Variants in DIP2B observed in about 807,000 individuals in gnomAD.
DIP2B encodes the protein DIP2 acetate--CoA ligase B (putative).
DIP2B carries 76 observed loss-of-function variants against 198.0 expected under a neutral mutation model. The ratio of observed to expected loss-of-function variants is 0.38; its 90% CI spans 0.32 to 0.46. The LOEUF is 0.46. Ranked by LOEUF, DIP2B falls within the 20% of genes least tolerant of loss-of-function variation. The probability of loss-of-function intolerance (pLI) is 0.99; values close to 1 mark genes in which losing one functional copy is unlikely to be tolerated. For missense variants in DIP2B, 1,559 were observed against 1,978.4 expected (o/e 0.79, Z 4.02); for synonymous variants, 701 against 739.1 (o/e 0.95, Z 0.84).
At chr12:50,732,287 G>A (rs1565885378) in intron 31 of DIP2B, 79 bp from the exon 32 acceptor site, 1 of 1,500,450 alleles carries the variant, frequency 6.7e-7, no homozygotes, top group East Asian at 2.3e-5. Flanking sequence ...TCCTGACCAA[G>A]GAGCTAGAAC....
intron 1 of DIP2B, among the ~76,000 whole-genome samples, chr12:50,513,271 G>A (rs907132773): frequency 6.6e-6 from 1 of 152,142 alleles, no homozygotes; most frequent in African/African-American, 2.4e-5. Context: ...TCCATCATCA[G>A]TTGTTCCTGT....
intron 1 of DIP2B, among the ~76,000 whole-genome samples, chr12:50,558,403 A>G (rs1347225601): frequency 6.6e-6 from 1 of 152,220 alleles, no homozygotes; most frequent in Non-Finnish European, 1.5e-5. Context: ...GCCAGGGGTA[A>G]TAATTGAGAA....
At position 50,711,728 on chromosome 12, in the gene DIP2B, A is replaced by G. The variant is rs1204254489; in HGVS notation, c.2650-2667A>G. Among the ~76,000 whole-genome samples, 10 of 152,060 alleles carry G rather than the reference A, an allele frequency of 6.6e-5. No homozygotes were observed. In the South Asian group the frequency reaches 1.9e-3, roughly 28 times the overall value. On this transcript the variant is annotated intron_variant, in intron 22 of 37. Coordinates refer to ENST00000301180, the MANE Select transcript of DIP2B (RefSeq NM_173602.3). ...GGGCACTCGCCACCACACCCAGCTA[A>G]TTTTTGTATTTTTACTAGACGGGGT...
At position 50,727,768 on chromosome 12, in the gene DIP2B, C is replaced by T; in HGVS notation, c.3466C>T (p.Leu1156Phe). 6.2e-7 allele frequency: 1 copy of T among 1,614,164 alleles called. No individual in the cohort carries two copies. ...GCCCACTCCTGAGATGTTGGCATAT[C>T]TTGATTTTAGTGTCTCCACAACTGG... is the stretch of plus-strand genomic sequence containing the variant. ...KPPTPEMLAY[L>F]DFSVSTTGML... Residue 1156 changes from leucine (L) to phenylalanine (F), a missense_variant, in exon 29 of 38, where the codon CTT becomes TTT. Coordinates refer to ENST00000301180, the MANE Select transcript of DIP2B (RefSeq NM_173602.3).
chr12:50,518,431 C>T (rs1958085643), intron 1 of DIP2B, among the ~76,000 whole-genome samples: 1 of 152,138 alleles, frequency 6.6e-6, no homozygotes, highest in Non-Finnish European at 1.5e-5. Flanking sequence ...ACCATGTTGG[C>T]CAGGCTGACC....
At chr12:50,507,585 A>G (rs890352627) in intron 1 of DIP2B, among the ~76,000 whole-genome samples, 1 of 152,048 alleles carries the variant, frequency 6.6e-6, no homozygotes, top group African/African-American at 2.4e-5. Context: ...GGAGTCTCAC[A>G]CTGTTGCCCG....
intron 1 of DIP2B, among the ~76,000 whole-genome samples, chr12:50,517,074 G>A (rs551087169): frequency 1.6e-4 from 24 of 151,894 alleles, no homozygotes; most frequent in African/African-American, 4.6e-4. Context: ...CCGCCACCAC[G>A]CCCGGCTAAT....
intron 1 of DIP2B, among the ~76,000 whole-genome samples, chr12:50,532,107 G>C (rs1186279054): frequency 6.6e-6 from 1 of 152,208 alleles, no homozygotes; most frequent in Non-Finnish European, 1.5e-5. Flanking sequence ...CTTTTCTGCT[G>C]AAACAGAAGG....
chr12:50,570,760 A>G (rs758295232), intron 1 of DIP2B, among the ~76,000 whole-genome samples: 62 of 152,384 alleles, frequency 4.1e-4, no homozygotes, highest in Non-Finnish European at 5.4e-4. Flanking sequence ...GGCATTAAAT[A>G]TATGGATATA....
chr12:50,549,170 T>TAAA lies in DIP2B; in HGVS notation c.100+43943_100+43945dup, dbSNP rs780278216. 8.0e-5 allele frequency among the ~76,000 whole-genome samples: 11 copies of TAAA among 137,514 alleles called. 1 individual carries two copies. The East Asian group carries it at 1.3e-3, about 16-fold the overall frequency. 90.2% of individuals were successfully genotyped at this position (137,514 alleles called of 152,430 possible). On this transcript the variant is annotated intron_variant, in intron 1 of 37. Transcript: ENST00000301180. ...TCAGGGACGAAAGTGGGGGCTGGTT[T>TAAA]AAAAAAAAAAAAAAAGGGCTGGGCG... is the stretch of plus-strand genomic sequence containing the variant.
chr12:50,614,567 C>T (rs1937659662), intron 1 of DIP2B, among the ~76,000 whole-genome samples: 1 of 152,172 alleles, frequency 6.6e-6, no homozygotes, highest in South Asian at 2.1e-4. Context: ...AGACAAATGG[C>T]ATTCATCCAA....
At chr12:50,569,720 C>T (rs558606581) in intron 1 of DIP2B, among the ~76,000 whole-genome samples, 25 of 152,192 alleles carry the variant, frequency 1.6e-4, no homozygotes, top group African/African-American at 5.8e-4. Flanking sequence ...TATACTGCAC[C>T]TTTAAATAAA....
chr12:50,743,271 C>G (rs534033680), intron 37 of DIP2B, among the ~76,000 whole-genome samples: 2 of 152,068 alleles, frequency 1.3e-5, no homozygotes, highest in African/African-American at 2.4e-5. Context: ...TTAGTAGAGA[C>G]GGGGTTTCAC....
At chr12:50,573,486 A>G (rs114670510) in intron 1 of DIP2B, among the ~76,000 whole-genome samples, 300 of 152,342 alleles carry the variant, frequency 2.0e-3, no homozygotes, top group African/African-American at 7.0e-3. Context: ...ATTACAACCC[A>G]GTCTTATAAC....
chr12:50,674,152 G>A (rs1389485025), intron 5 of DIP2B, among the ~76,000 whole-genome samples: 1 of 152,186 alleles, frequency 6.6e-6, no homozygotes, highest in South Asian at 2.1e-4. Context: ...GTTTTATTAT[G>A]ATTATTTTAT....
Position 50,619,476 on chromosome 12 carries a change from T to C in DIP2B, c.101-6500T>C, listed in dbSNP as rs1937763098. Among the ~76,000 whole-genome samples the C allele has an allele frequency of 1.3e-5, 2 of 152,092 alleles. 1 individual carries two copies. The highest frequency in any genetic ancestry group is 2.9e-5 in the Non-Finnish European group (2 of 68,020). On this transcript the variant is annotated intron_variant, in intron 1 of 37. Coordinates refer to ENST00000301180, the MANE Select transcript of DIP2B (RefSeq NM_173602.3). The stretch of plus-strand genomic sequence containing the variant: ...CAGACCCAAACCAAATGTCGTCTGC[T>C]CCGTGAAGCATTCCTTTCCCTACTC...
chr12:50,524,552 C>G (rs1440568899), intron 1 of DIP2B, among the ~76,000 whole-genome samples: 1 of 152,000 alleles, frequency 6.6e-6, no homozygotes, highest in Non-Finnish European at 1.5e-5. Context: ...GTCTCCCTGC[C>G]TCCCTCCATC....
chr12:50,740,306 C>T (rs970474041), intron 36 of DIP2B, among the ~76,000 whole-genome samples: 3 of 152,228 alleles, frequency 2.0e-5, no homozygotes, highest in Admixed American at 6.5e-5. Context: ...GCAGGGGCAA[C>T]CCAGGGGAGC....
chr12:50,616,021 G>A (rs1478396208), intron 1 of DIP2B, among the ~76,000 whole-genome samples: 1 of 152,180 alleles, frequency 6.6e-6, no homozygotes, highest in Non-Finnish European at 1.5e-5. Flanking sequence ...TTTAACCAGC[G>A]CCTGATGATG....
Sources: gnomAD v4.1 joint callset for allele counts (sites outside exome capture counted in the v4.1 genomes callset) on GRCh38, gnomAD v4.1.1 for gene constraint, MANE v1.5 for transcripts, NCBI Gene and HGNC (gene_info 2026-07-23, HGNC 2026-07-21) for gene names.